Variants in POLA1 observed in about 807,000 individuals in gnomAD.
POLA1 encodes the protein DNA polymerase alpha catalytic subunit.
Under a neutral mutation model 124.0 loss-of-function variants are expected in POLA1, and 15 were observed. The ratio of observed to expected loss-of-function variants is 0.12; its 90% confidence interval spans 0.08 to 0.19. The LOEUF (loss-of-function observed/expected upper bound fraction) is 0.19, where lower values mean the gene tolerates loss of function less well. Among genes scored for constraint, POLA1 ranks in the 10% least tolerant of loss-of-function variants. The probability of loss-of-function intolerance (pLI) is 1.00; values close to 1 mark genes in which losing one functional copy is unlikely to be tolerated. For missense variants in POLA1, 886 were observed against 1,103.4 expected (o/e 0.80, Z 2.79); for synonymous variants, 408 against 389.4 (o/e 1.05, Z -0.56).
chrX:24,765,926 C>T (rs1932894948), intron 26 of POLA1, among the ~76,000 whole-genome samples: 1 of 111,695 alleles, frequency 9.0e-6, no homozygotes, highest in Non-Finnish European at 1.9e-5. Flanking sequence ...TGAATGTGCT[C>T]ACTTAATTTA....
At chrX:24,697,227 C>CGTTGCCTGTGTAGTGGAACATT (rs1288753901) in intron 1 of POLA1, among the ~76,000 whole-genome samples, 6 of 111,182 alleles carry the variant, frequency 5.4e-5, no homozygotes, top group Non-Finnish European at 9.4e-5. Context: ...TGTAGTGGGA[C>CGTTGCCTGTGTAGTGGAACATT]GTTGCCTGTG....
chrX:24,915,730 T>G (rs752382696), intron 35 of POLA1, among the ~76,000 whole-genome samples: 22 of 112,094 alleles, frequency 2.0e-4, no homozygotes, highest in African/African-American at 6.8e-4. Flanking sequence ...AACATTGGAA[T>G]AGTGTTTATT....
intron 1 of POLA1, among the ~76,000 whole-genome samples, chrX:24,698,856 T>C: frequency 1.8e-5 from 2 of 111,010 alleles, no homozygotes; most frequent in Middle Eastern, 4.6e-3. Flanking sequence ...TTTCACCATG[T>C]TGGCCAGGCT....
At chrX:24,914,137 G>A (rs968916112) in intron 35 of POLA1, among the ~76,000 whole-genome samples, 11 of 110,192 alleles carry the variant, frequency 1.0e-4, no homozygotes, top group South Asian at 4.0e-4. Context: ...CGGGAGGATC[G>A]CTTGAGACCA....
intron 36 of POLA1, among the ~76,000 whole-genome samples, chrX:24,953,069 T>G (rs1414407412): frequency 8.9e-6 from 1 of 112,263 alleles, no homozygotes; most frequent in Non-Finnish European, 1.9e-5. Context: ...ATGGATGCTC[T>G]TATCCCCATT....
chrX:24,980,232 G>T (rs2048406488), intron 36 of POLA1, among the ~76,000 whole-genome samples: 1 of 111,779 alleles, frequency 8.9e-6, no homozygotes, highest in South Asian at 3.8e-4. Context: ...TAACAGATCC[G>T]ACTCTTACCG....
chrX:24,709,281 C>G (rs1332767859), intron 4 of POLA1, among the ~76,000 whole-genome samples: 2 of 91,026 alleles, frequency 2.2e-5, no homozygotes, highest in African/African-American at 4.6e-5. Context: ...CACGGCTGGC[C>G]AGGCGGGGGG....
chrX:24,711,657 G>A (rs890960560), intron 4 of POLA1, among the ~76,000 whole-genome samples: 1 of 110,964 alleles, frequency 9.0e-6, no homozygotes, highest in African/African-American at 3.3e-5. Flanking sequence ...GAGTACAATG[G>A]CGCGATCTCG....
At chrX:24,826,965 T>C (rs1251994682) in intron 32 of POLA1, among the ~76,000 whole-genome samples, 5 of 112,310 alleles carry the variant, frequency 4.5e-5, no homozygotes, top group African/African-American at 1.6e-4. Context: ...GCTATCTTGA[T>C]TATTGGTTCA....
At chrX:24,954,434 G>A (rs1286990276) in intron 36 of POLA1, among the ~76,000 whole-genome samples, 1 of 112,215 alleles carries the variant, frequency 8.9e-6, no homozygotes, top group Non-Finnish European at 1.9e-5. Flanking sequence ...GGCTTACGGT[G>A]ATTTGAAATT....
intron 20 of POLA1, among the ~76,000 whole-genome samples, chrX:24,740,665 CT>C (rs967051892): frequency 4.5e-5 from 5 of 111,612 alleles, no homozygotes; most frequent in Non-Finnish European, 9.4e-5. Context: ...TCTCTCTGAT[CT>C]AGCCATATTG....
At chrX:24,955,380 A>C (rs1195588072) in intron 36 of POLA1, among the ~76,000 whole-genome samples, 1 of 104,940 alleles carries the variant, frequency 9.5e-6, no homozygotes, top group African/African-American at 3.5e-5. Flanking sequence ...GGGTCTTGCC[A>C]TGTTTCCCAG....
intron 36 of POLA1, among the ~76,000 whole-genome samples, chrX:24,946,151 G>C (rs765530587): frequency 9.0e-6 from 1 of 111,087 alleles, no homozygotes; most frequent in African/African-American, 3.3e-5. Context: ...ACCCAAACGT[G>C]GTACTTAGGA....
At chrX:24,759,851 A>G (rs1156700617) in intron 26 of POLA1, among the ~76,000 whole-genome samples, 4 of 112,366 alleles carry the variant, frequency 3.6e-5, no homozygotes, top group African/African-American at 9.7e-5. Context: ...ACCCCTCACC[A>G]GAATGAGTGA....
intron 35 of POLA1, among the ~76,000 whole-genome samples, chrX:24,916,575 G>A (rs1276804997): frequency 5.4e-5 from 6 of 111,254 alleles, no homozygotes; most frequent in African/African-American, 1.3e-4. Flanking sequence ...CACCGCGCCC[G>A]GCCACTGAGA....
chrX:24,714,963 A>T (rs1174731001), intron 5 of POLA1, among the ~76,000 whole-genome samples, 178 bp from the exon 6 acceptor site: 1 of 112,372 alleles, frequency 8.9e-6, no homozygotes, highest in East Asian at 2.8e-4. Context: ...AGATGTAGGA[A>T]TGCTATATAC....
chrX:24,929,970 T>C (rs1240613781), intron 35 of POLA1, among the ~76,000 whole-genome samples: 4 of 112,039 alleles, frequency 3.6e-5, no homozygotes, highest in African/African-American at 1.3e-4. Flanking sequence ...GATGTTACTG[T>C]GAGTCTGTGA....
rs1456940741 is a variant in POLA1 at position 24,996,757 on chromosome X, G to A, written c.*807G>A. The A allele has an allele frequency of 8.9e-6, 1 of 111,844 alleles. No homozygotes were observed. The highest frequency in any genetic ancestry group is 3.3e-5 in the African/African-American group (1 of 30,713). The allele number at this position is 111,844 out of a possible 1,213,427, so 9.2% of individuals were successfully genotyped here. ...AGAGGGATGCTTAATTGGCCCTGGC[G>A]CTTGCTATTTTTTTCTCATTTCTTC... On this transcript the variant is annotated 3_prime_UTR_variant, in exon 37 of 37. Transcript: ENST00000379068.
intron 36 of POLA1, among the ~76,000 whole-genome samples, chrX:24,985,964 G>A (rs746403331): frequency 9.0e-6 from 1 of 111,364 alleles, no homozygotes. Flanking sequence ...CTGAGGTCAG[G>A]AGTTCAAGAC....
Sources: allele counts gnomAD v4.1 joint callset (sites outside exome capture counted in the v4.1 genomes callset), GRCh38; gene constraint gnomAD v4.1.1; transcripts MANE v1.5; gene names NCBI Gene and HGNC (gene_info 2026-07-23, HGNC 2026-07-21).